The following EYS variants were observed in gnomAD, a reference collection of about 807,000 sequenced individuals.
EYS encodes the protein EGF-like photoreceptor maintenance factor, also known as protein eyes shut homolog.
Under a neutral mutation model 282.1 loss-of-function variants are expected in EYS, and 250 were observed. That is an observed-to-expected ratio of 0.89 (90% CI 0.80 to 0.98). The LOEUF is 0.98. Among genes scored for constraint, EYS ranks in the 50% least tolerant of loss-of-function variants. The pLI, the probability that EYS is intolerant of heterozygous loss-of-function variation, is 0.00. For synonymous variants in EYS, 1,355 were observed against 1,282.9 expected (o/e 1.06, Z -1.20); for missense variants, 4,016 against 3,709.0 (o/e 1.08, Z -2.15).
intron 22 of EYS, among the ~76,000 whole-genome samples, chr6:64,763,089 G>C (rs1157769595): frequency 3.3e-5 from 5 of 151,176 alleles, no homozygotes; most frequent in Non-Finnish European, 7.3e-5. Flanking sequence ...CAAACCTTCA[G>C]TGCTTCTTTT....
rs1561935801 is a variant in EYS at position 64,333,989 on chromosome 6, T to G, written c.6079-26907A>C. ...CAAAATTCAGTGCAAATCCAAGTGT[T>G]TAGCTATTAAGGAACCCCATCATCG... On this transcript the variant is annotated intron_variant, in intron 29 of 42. Transcript: ENST00000503581. Among the ~76,000 whole-genome samples the G allele has an allele frequency of 2.0e-5, 3 of 152,284 alleles. No individual in the cohort carries two copies. The South Asian group carries it at 6.2e-4, about 32-fold the overall frequency.
chr6:64,778,848 C>T (rs1270090999), intron 22 of EYS, among the ~76,000 whole-genome samples: 1 of 151,934 alleles, frequency 6.6e-6, no homozygotes, highest in African/African-American at 2.4e-5. Context: ...CAAAAGATCC[C>T]AATAGATGCT....
intron 26 of EYS, among the ~76,000 whole-genome samples, chr6:64,452,682 T>C (rs1295004208): frequency 1.3e-5 from 2 of 152,010 alleles, no homozygotes; most frequent in East Asian, 1.9e-4. Context: ...TGGAACAGAA[T>C]AGAGCCCTCA....
intron 12 of EYS, among the ~76,000 whole-genome samples, chr6:65,272,090 G>A (rs767693578): frequency 6.6e-6 from 1 of 152,084 alleles, no homozygotes; most frequent in Non-Finnish European, 1.5e-5. Context: ...TCTTTTCCCA[G>A]TCTGTCTAGC....
intron 29 of EYS, among the ~76,000 whole-genome samples, chr6:64,360,194 T>C (rs1257325630): frequency 1.3e-5 from 2 of 151,732 alleles, no homozygotes; most frequent in Admixed American, 6.6e-5. Flanking sequence ...ATCCCAAAAA[T>C]GGACATGAGG....
intron 22 of EYS, among the ~76,000 whole-genome samples, chr6:64,778,811 TCAA>T (rs1773765095): frequency 1.3e-5 from 2 of 151,480 alleles, no homozygotes; most frequent in African/African-American, 4.9e-5. Context: ...TTAAAACCCA[TCAA>T]CAACAACAAA....
At chr6:65,000,227 C>T (rs1033773032) in intron 13 of EYS, among the ~76,000 whole-genome samples, 2 of 152,174 alleles carry the variant, frequency 1.3e-5, no homozygotes, top group Non-Finnish European at 2.9e-5. Flanking sequence ...GAGCCACTCC[C>T]CCTGTCACAC....
chr6:64,536,801 A>AAT (rs995106960), intron 26 of EYS, among the ~76,000 whole-genome samples: 82 of 150,758 alleles, frequency 5.4e-4, no homozygotes, highest in Middle Eastern at 3.5e-3. Flanking sequence ...TTATTAACAA[A>AAT]ATATATATAT....
At chr6:65,583,372 GC>G (rs1466881656) in intron 2 of EYS, among the ~76,000 whole-genome samples, 1 of 152,010 alleles carries the variant, frequency 6.6e-6, no homozygotes, top group Non-Finnish European at 1.5e-5. Context: ...CAATTACTAT[GC>G]TTTTCGTTAA....
chr6:64,189,417 G>C (rs1372219798), intron 31 of EYS, among the ~76,000 whole-genome samples: 1 of 152,114 alleles, frequency 6.6e-6, no homozygotes, highest in Non-Finnish European at 1.5e-5. Flanking sequence ...TATGAAATTC[G>C]AATTAAGTAA....
At chr6:65,560,281 A>G (rs998181331) in intron 2 of EYS, among the ~76,000 whole-genome samples, 1 of 144,428 alleles carries the variant, frequency 6.9e-6, no homozygotes, top group Non-Finnish European at 1.5e-5. Flanking sequence ...CATATAACAT[A>G]TTATTAATAT....
At chr6:65,036,954 A>T (rs1458240265) in intron 13 of EYS, among the ~76,000 whole-genome samples, 1 of 152,006 alleles carries the variant, frequency 6.6e-6, no homozygotes, top group African/African-American at 2.4e-5. Context: ...CAATGCCAGT[A>T]CTGGGTATAT....
chr6:65,014,935 A>G (rs977160116), intron 13 of EYS, among the ~76,000 whole-genome samples: 1 of 152,154 alleles, frequency 6.6e-6, no homozygotes, highest in African/African-American at 2.4e-5. Context: ...GGGTCTTCCA[A>G]GGGCCTTTAT....
chr6:64,430,019 A>C (rs935190371), intron 28 of EYS, among the ~76,000 whole-genome samples: 6 of 152,192 alleles, frequency 3.9e-5, no homozygotes, highest in African/African-American at 1.4e-4. Flanking sequence ...GTAGTTAAAT[A>C]GCTAATTTTT....
intron 12 of EYS, among the ~76,000 whole-genome samples, chr6:65,185,119 C>T (rs1215310663): frequency 6.6e-6 from 1 of 151,204 alleles, no homozygotes; most frequent in African/African-American, 2.4e-5. Flanking sequence ...TCATTTTTAT[C>T]ATGAAGAAAG....
chr6:64,199,687 G>A (rs1162955559), intron 31 of EYS, among the ~76,000 whole-genome samples: 2 of 151,908 alleles, frequency 1.3e-5, no homozygotes, highest in Non-Finnish European at 2.9e-5. Flanking sequence ...ATCTGACAAA[G>A]GGCTAATATC....
chr6:64,085,761 T>C (rs1325193526), intron 31 of EYS, among the ~76,000 whole-genome samples: 1 of 152,174 alleles, frequency 6.6e-6, no homozygotes, highest in Non-Finnish European at 1.5e-5. Context: ...ATTAAACTGC[T>C]TTACTTAAGT....
intron 5 of EYS, among the ~76,000 whole-genome samples, chr6:65,437,495 A>G (rs1768119655): frequency 6.6e-6 from 1 of 152,160 alleles, no homozygotes; most frequent in Non-Finnish European, 1.5e-5. Flanking sequence ...TATAATGGGA[A>G]ATTGAGAAAA....
At chr6:64,541,833 G>C (rs1415837922) in intron 26 of EYS, among the ~76,000 whole-genome samples, 3 of 152,120 alleles carry the variant, frequency 2.0e-5, no homozygotes, top group African/African-American at 7.2e-5. Context: ...TAATACAATG[G>C]AAGTGTTTTG....
Sources: gnomAD v4.1 joint callset for allele counts (sites outside exome capture counted in the v4.1 genomes callset) on GRCh38, gnomAD v4.1.1 for gene constraint, MANE v1.5 for transcripts, NCBI Gene and HGNC (gene_info 2026-07-23, HGNC 2026-07-21) for gene names.